Variants in CAPN1 observed in about 807,000 individuals in gnomAD.
The protein encoded by CAPN1 is calpain-1 catalytic subunit.
Under a neutral mutation model 105.2 loss-of-function variants are expected in CAPN1, and 77 were observed. The ratio of observed to expected loss-of-function variants is 0.73; its 90% CI spans 0.61 to 0.88. The LOEUF is 0.88. CAPN1 is among the 40% of genes least tolerant of loss of function. The pLI, the probability that CAPN1 is intolerant of heterozygous loss-of-function variation, is 0.00. For synonymous variants in CAPN1, 355 were observed against 388.8 expected (o/e 0.91, Z 1.02); for missense variants, 833 against 976.6 (o/e 0.85, Z 1.96).
In CAPN1 at chr11:65,210,645, T is replaced by A. The variant is rs994578341; in HGVS notation, c.2060-169T>A. On this transcript the variant is annotated intron_variant, in intron 20 of 21. Coordinates refer to ENST00000279247, the MANE Select transcript of CAPN1 (RefSeq NM_005186.4). This position sits in a 1 kb window ranked among gnomAD's most constrained non-coding sequence, Gnocchi z 4.3. ...AGTCGGGGAGGGAGGGAGTTGACAGTGGCTTCTCAGGCAGCAGGAAGGGGT... is the reference window on the plus strand; with the variant it reads ...AGTCGGGGAGGGAGGGAGTTGACAGAGGCTTCTCAGGCAGCAGGAAGGGGT... Among the ~76,000 whole-genome samples the A allele has an allele frequency of 1.3e-5, 2 of 151,780 alleles. No homozygotes were observed. The highest frequency in any genetic ancestry group is 4.8e-5 in the African/African-American group (2 of 41,332).
chr11:65,181,501 G>C (rs1288067231), upstream of CAPN1: 1 of 290,314 alleles, frequency 3.4e-6, no homozygotes, highest in Non-Finnish European at 6.7e-6. This position sits in a 1 kb window ranked among gnomAD's most constrained non-coding sequence, Gnocchi z 4.6. Flanking sequence ...GGGCGGGCCC[G>C]GGGCTGCGGG....
rs892195926 is a variant in CAPN1 at position 65,188,436 on chromosome 11, G to T, written c.952G>T (p.Asp318Tyr). The T allele has an allele frequency of 1.9e-5, 31 of 1,612,630 alleles. No homozygotes were observed. The highest frequency in any genetic ancestry group is 2.6e-5 in the Non-Finnish European group (31 of 1,179,406). ...CAGCTCCTCAGAGTGGAACAACGTGGACCCATATGAACGGGACCAGCTCCG... is the reference window on the plus strand; with the variant it reads ...CAGCTCCTCAGAGTGGAACAACGTGTACCCATATGAACGGGACCAGCTCCG... ...SDSSSEWNNVDPYERDQLRVK... is the reference protein window; with the variant it reads ...SDSSSEWNNVYPYERDQLRVK... Residue 318 changes from aspartate to tyrosine, a missense_variant, in exon 9 of 22, where the codon GAC (aspartate) becomes TAC (tyrosine). Transcript: ENST00000279247. This position sits in a 1 kb window ranked among gnomAD's most constrained non-coding sequence, Gnocchi z 5.5.
Position 65,206,586 on chromosome 11 carries a change from G to A in CAPN1, c.1477G>A (p.Glu493Lys), listed in dbSNP as rs768241194. The change falls in exon 13 of 22, where the codon GAG (glutamate) becomes AAG (lysine). Residue 493 changes from glutamate (E) to lysine (K), a missense_variant. Glu to Lys is a moderately conservative substitution (Grantham distance 56). Transcript: ENST00000279247. ...VSTRFRLPPGEYVVVPSTFEP... is the reference protein window; with the variant it reads ...VSTRFRLPPGKYVVVPSTFEP... ...CACCCGCTTCCGCCTGCCACCCGGG[G>A]AGTATGTGGTGGTGCCCTCCACCTT... The A allele has an allele frequency of 8.7e-5, 140 of 1,613,388 alleles. No homozygotes were observed. Among genetic ancestry groups the A allele is most frequent in the Non-Finnish European group, 1.2e-4 (136 of 1,179,894 alleles).
chr11:65,187,260 G>T lies in CAPN1; in HGVS notation c.805G>T (p.Val269Leu), dbSNP rs1310011775. 1.2e-6 allele frequency: 2 copies of T among 1,613,526 alleles called. No individual in the cohort carries two copies. The highest frequency in any genetic ancestry group is 1.7e-6 in the Non-Finnish European group (2 of 1,179,684). The change falls in exon 7 of 22, where the codon GTG becomes TTG. Residue 269 changes from valine to leucine, a missense_variant. Physicochemically the swap from Val to Leu is conservative, Grantham distance 32. Coordinates refer to ENST00000279247, the MANE Select transcript of CAPN1 (RefSeq NM_005186.4). Reference protein sequence around the residue: ...DMEAITFKKLVKGHAYSVTGA... With the variant: ...DMEAITFKKLLKGHAYSVTGA... ...GGAGGCCATCACTTTCAAGAAGTTG[G>T]TGAAGGGCCATGCCTACTCTGTGAC...
chr11:65,188,708 G>A lies in CAPN1; in HGVS notation c.1127G>A (p.Arg376Gln), dbSNP rs764293428. The change falls in exon 10 of 22, where the codon CGG (arginine) becomes CAG (glutamine). Residue 376 changes from arginine to glutamine, a missense_variant. By Grantham distance (43) the Arg-to-Gln change is conservative. Transcript: ENST00000279247. This position sits in a 1 kb window ranked among gnomAD's most constrained non-coding sequence, Gnocchi z 5.5. ...WNTTLYEGTWRRGSTAGGCRN... is the reference protein window; with the variant it reads ...WNTTLYEGTWQRGSTAGGCRN... ...ACCACACTCTACGAAGGCACCTGGCGGCGGGGGAGCACCGCGGGGGGCTGC... is the reference window on the plus strand; with the variant it reads ...ACCACACTCTACGAAGGCACCTGGCAGCGGGGGAGCACCGCGGGGGGCTGC... The A allele has an allele frequency of 2.5e-6, 4 of 1,603,682 alleles. No individual in the cohort carries two copies. The highest frequency in any genetic ancestry group is 1.7e-4 in the Middle Eastern group (1 of 6,050).
chr11:65,192,553 AG>A (rs1202759643), intron 10 of CAPN1, among the ~76,000 whole-genome samples: 1 of 152,136 alleles, frequency 6.6e-6, no homozygotes, highest in African/African-American at 2.4e-5. Context: ...TGAAAGTTAA[AG>A]GTTATAGAAT....
Position 65,210,544 on chromosome 11 carries a change from A to AT in CAPN1, c.2059+93dup. On this transcript the variant is annotated intron_variant, in intron 20 of 21. Transcript: ENST00000279247. This position sits in a 1 kb window ranked among gnomAD's most constrained non-coding sequence, Gnocchi z 4.3. ...GAATGACAGATGGGTGAATTAGCAG[A>AT]TACAGGCCAGTGCTGTGGGTGTGTG... 1 of 832,026 alleles carries AT rather than the reference A, an allele frequency of 1.2e-6. No individual in the cohort carries two copies. The highest frequency in any genetic ancestry group is 1.4e-5 in the South Asian group (1 of 69,048). The allele number at this position is 832,026 out of a possible 1,614,324, so 51.5% of individuals were successfully genotyped here. A position where few individuals can be genotyped will look rare whatever the true frequency, so the allele number is the denominator to read the frequency against.
rs1007291973 is a variant in CAPN1 at position 65,209,819 on chromosome 11, G to A, written c.1795-30G>A. ...CCACTCTCCCATGACTGGTCTAAGT[G>A]ATGGAATTTCCTTCTTAACGGCCAC... On this transcript the variant is annotated intron_variant, in intron 17 of 21. Coordinates refer to ENST00000279247, the MANE Select transcript of CAPN1 (RefSeq NM_005186.4). The surrounding 1 kb of genome is among the most constrained non-coding windows in gnomAD (Gnocchi z 4.1). The A allele has an allele frequency of 2.5e-6, 4 of 1,609,704 alleles. No individual in the cohort carries two copies. The highest frequency in any genetic ancestry group is 2.2e-5 in the East Asian group (1 of 44,784).
At position 65,210,361 on chromosome 11, in the gene CAPN1, C is replaced by G; in HGVS notation, c.1968C>G (p.Tyr656Ter). 6.2e-7 allele frequency: 1 copy of G among 1,612,286 alleles called. No homozygotes were observed. The highest frequency in any genetic ancestry group is 8.5e-7 in the Non-Finnish European group (1 of 1,178,820). ...SAGFKLNKKL[Y>*]ELIITRYSEP... ...GCTTCAAGCTCAACAAGAAGCTGTA[C>G]GAGCTCATCATCACCCGCTACTCGG... is the stretch of plus-strand genomic sequence containing the variant. Residue 656 changes from tyrosine (Y) to a stop codon, truncating the protein, a stop_gained, in exon 20 of 22, where the codon TAC (tyrosine) becomes TAG (stop). Transcript: ENST00000279247. LOFTEE classifies it high-confidence loss of function. This position sits in a 1 kb window ranked among gnomAD's most constrained non-coding sequence, Gnocchi z 4.3.
Position 65,185,974 on chromosome 11 carries a change from G to T in CAPN1, c.514G>T (p.Asp172Tyr). The T allele has an allele frequency of 1.9e-6, 3 of 1,602,386 alleles. No individual in the cohort carries two copies. Among genetic ancestry groups the T allele is most frequent in the Non-Finnish European group, 2.6e-6 (3 of 1,174,416 alleles). The change falls in exon 5 of 22, where the codon GAC (aspartate) becomes TAC (tyrosine). Residue 172 changes from aspartate (D) to tyrosine (Y), a missense_variant. By Grantham distance (160) the Asp-to-Tyr change is radical (BLOSUM62 -3). Transcript: ENST00000279247. ...CGTGGATGACCTGCTGCCCATCAAGGACGGGAAGCTAGTGTTCGTGCACTC... is the reference window on the plus strand; with the variant it reads ...CGTGGATGACCTGCTGCCCATCAAGTACGGGAAGCTAGTGTTCGTGCACTC... ...VVVDDLLPIK[D>Y]GKLVFVHSAE...
intron 12 of CAPN1, 29 bp from the exon 13 acceptor site, chr11:65,206,434 C>T (rs1948958474): frequency 6.3e-7 from 1 of 1,587,354 alleles, no homozygotes; most frequent in Non-Finnish European, 8.6e-7. Flanking sequence ...TGGGCAGCTG[C>T]AGCCCTGCTC....
chr11:65,181,511 G>A (rs953950894), upstream of CAPN1: 16 of 309,592 alleles, frequency 5.2e-5, no homozygotes, highest in Admixed American at 9.9e-5. This position sits in a 1 kb window ranked among gnomAD's most constrained non-coding sequence, Gnocchi z 4.6. Context: ...GGGGCTGCGG[G>A]AGGCGGCGCC....
At position 65,208,216 on chromosome 11, in the gene CAPN1, C is replaced by A; in HGVS notation, c.1683C>A (p.Ile561=). The A allele has an allele frequency of 1.3e-6, 2 of 1,580,780 alleles. No homozygotes were observed. The highest frequency in any genetic ancestry group is 1.7e-6 in the Non-Finnish European group (2 of 1,163,228). ...CTCTCTCTCCCCAGGACATGGAGAT[C>A]AGCGTGAAGGAGTTGCGGACAATCC... ...FRQLAGEDME[I]SVKELRTILN... The change falls in exon 16 of 22, where the codon ATC becomes ATA. Residue 561 remains isoleucine (I), a synonymous_variant. Transcript: ENST00000279247. The surrounding 1 kb of genome is among the most constrained non-coding windows in gnomAD (Gnocchi z 4.1).
chr11:65,197,875 CA>C (rs1396356237), intron 10 of CAPN1, among the ~76,000 whole-genome samples: 1 of 53,350 alleles, frequency 1.9e-5, no homozygotes, highest in Non-Finnish European at 3.7e-5. Context: ...GTGAAAAGAG[CA>C]AAACTCTATC....
At chr11:65,206,754 G>T in intron 13 of CAPN1, 26 bp from the exon 14 acceptor site, 2 of 1,612,262 alleles carry the variant, frequency 1.2e-6, no homozygotes, top group Non-Finnish European at 1.7e-6. Context: ...CCTCTGACTG[G>T]CTCCTTTCCT....
In CAPN1 at chr11:65,188,218, C is replaced by T; in HGVS notation, c.929+178C>T. The T allele has an allele frequency of 4.4e-6, 3 of 686,470 alleles. No individual in the cohort carries two copies. The highest frequency in any genetic ancestry group is 7.3e-6 in the Non-Finnish European group (3 of 408,456). 42.5% of individuals were successfully genotyped at this position (686,470 alleles called of 1,614,324 possible). A position where few individuals can be genotyped will look rare whatever the true frequency, so the allele number is the denominator to read the frequency against. On this transcript the variant is annotated intron_variant, in intron 8 of 21. Transcript: ENST00000279247. This position sits in a 1 kb window ranked among gnomAD's most constrained non-coding sequence, Gnocchi z 5.5. ...AGCTCAGGCCGTGCGGGCCCCTGTG[C>T]CCAGCCGTCGGGTGTGTGCAGGGCA...
chr11:65,184,633 C>T (rs967576504), intron 4 of CAPN1, among the ~76,000 whole-genome samples: 1 of 152,214 alleles, frequency 6.6e-6, no homozygotes, highest in Non-Finnish European at 1.5e-5. Flanking sequence ...AGAACCAGTC[C>T]TGCCCATCTT....
In CAPN1 at chr11:65,209,063, C is replaced by T. The variant is rs1949004866; in HGVS notation, c.1730-260C>T. ...GCCCTGCCCTGCCCCATCTTTCTACCCAATTTCTCGCTCTTCTGTTTCACA... is the reference window on the plus strand; with the variant it reads ...GCCCTGCCCTGCCCCATCTTTCTACTCAATTTCTCGCTCTTCTGTTTCACA... On this transcript the variant is annotated intron_variant, in intron 16 of 21. Coordinates refer to ENST00000279247, the MANE Select transcript of CAPN1 (RefSeq NM_005186.4). The surrounding 1 kb of genome is among the most constrained non-coding windows in gnomAD (Gnocchi z 4.1). The T allele has an allele frequency of 1.8e-6, 1 of 544,596 alleles. No individual in the cohort carries two copies. The highest frequency in any genetic ancestry group is 1.9e-5 in the African/African-American group (1 of 52,902). The allele number at this position is 544,596 out of a possible 1,614,324, so 33.7% of individuals were successfully genotyped here.
Position 65,187,316 on chromosome 11 carries a change from G to C in CAPN1, c.843+18G>C. Reference sequence around the variant, plus strand: ...CCAAGCAGGTACTGCCCTGGGTGGGGCCTTCCCTGAAGGGCGGTTCCTGCC... The same window carrying C: ...CCAAGCAGGTACTGCCCTGGGTGGGCCCTTCCCTGAAGGGCGGTTCCTGCC... On this transcript the variant is annotated intron_variant, in intron 7 of 21. Coordinates refer to ENST00000279247, the MANE Select transcript of CAPN1 (RefSeq NM_005186.4). 6.3e-7 allele frequency: 1 copy of C among 1,589,910 alleles called. No homozygotes were observed. Among genetic ancestry groups the C allele is most frequent in the Non-Finnish European group, 8.6e-7 (1 of 1,161,070 alleles).
Sources: allele counts gnomAD v4.1 joint callset (sites outside exome capture counted in the v4.1 genomes callset), GRCh38; gene constraint gnomAD v4.1.1; non-coding constraint Gnocchi (gnomAD v3.1); transcripts MANE v1.5; gene names NCBI Gene and HGNC (gene_info 2026-07-23, HGNC 2026-07-21).